The following TNRC6A variants were observed in gnomAD, a reference collection of about 807,000 sequenced individuals.
TNRC6A encodes the protein trinucleotide repeat containing adaptor 6A, also known as trinucleotide repeat-containing gene 6A protein.
TNRC6A carries 44 observed loss-of-function variants against 221.2 expected under a neutral mutation model. That is an observed-to-expected ratio of 0.20 (90% confidence interval 0.16 to 0.26). TNRC6A has a LOEUF of 0.26. Among genes scored for constraint, TNRC6A ranks in the 10% least tolerant of loss-of-function variants. The pLI is 1.00. For synonymous variants in TNRC6A, 847 were observed against 838.5 expected, an observed-to-expected ratio of 1.01 and a Z score of -0.18; for missense variants, 2,199 against 2,404.4, an observed-to-expected ratio of 0.91 and a Z score of 1.79.
rs1373139652 is a variant in TNRC6A, at chr16:24,791,008, C to G, written c.2366C>G (p.Ala789Gly). 3.1e-6 allele frequency: 5 copies of G among 1,592,680 alleles called. No individual in the cohort carries two copies. The South Asian group carries it at 5.8e-5, about 18-fold the overall frequency. The change falls in exon 6 of 25, where the codon GCT becomes GGT. Residue 789 changes from alanine to glycine, a missense_variant. Physicochemically the swap from Ala to Gly is moderately conservative, Grantham distance 60 (BLOSUM62 0). Around this residue, in one of 8 missense-constraint regions of TNRC6A, gnomAD observed 1,405 missense variants for 1,400.2 expected, o/e 1.00. Coordinates refer to ENST00000395799, the MANE Select transcript of TNRC6A (RefSeq NM_014494.4). ...SVSGWGDPKPALRWGDSKGSN... is the reference protein window; with the variant it reads ...SVSGWGDPKPGLRWGDSKGSN... ...TCAGGGTGGGGCGATCCCAAACCTG[C>G]TCTGAGGTGGGGAGATTCCAAAGGC...
chr16:24,616,345 G>A (rs200039821), intron 1 of TNRC6A, among the ~76,000 whole-genome samples: 7 of 94,176 alleles, frequency 7.4e-5, no homozygotes, highest in South Asian at 8.5e-4. Flanking sequence ...AAAAAAAAAA[G>A]AAGAAGAAGA....
intron 2 of TNRC6A, among the ~76,000 whole-genome samples, chr16:24,715,884 G>C (rs549547470): frequency 4.0e-5 from 6 of 151,898 alleles, no homozygotes; most frequent in African/African-American, 1.4e-4. Flanking sequence ...GCCTCCCAAA[G>C]TGCCGGGATT....
chr16:24,709,437 C>T (rs572421229), intron 2 of TNRC6A, among the ~76,000 whole-genome samples: 118 of 152,264 alleles, frequency 7.7e-4, no homozygotes, highest in Non-Finnish European at 1.4e-3. Context: ...CCAGCAGTGA[C>T]GCACTCTCCT....
chr16:24,721,846 A>G (rs968934502), intron 2 of TNRC6A, among the ~76,000 whole-genome samples: 1 of 152,242 alleles, frequency 6.6e-6, no homozygotes, highest in African/African-American at 2.4e-5. Context: ...ACACGCAATC[A>G]TATGAATGAC....
At chr16:24,797,604 T>C (rs566412856) in intron 10 of TNRC6A, 34 bp downstream of exon 10, 1 of 1,462,062 alleles carries the variant, frequency 6.8e-7, no homozygotes, top group South Asian at 1.2e-5. Flanking sequence ...CCTTCCTCTT[T>C]TAATGGTGGT....
chr16:24,818,998 TA>T (rs570977428), intron 21 of TNRC6A, among the ~76,000 whole-genome samples: 8,608 of 141,748 alleles, frequency 0.061, 734 homozygotes, highest in African/African-American at 0.2. Flanking sequence ...GGAGGATCTT[TA>T]AAAAAAAAAA....
intron 9 of TNRC6A, 51 bp downstream of exon 9, chr16:24,795,990 T>C (rs1182661598): frequency 6.3e-7 from 1 of 1,599,724 alleles, no homozygotes; most frequent in Non-Finnish European, 8.6e-7. Context: ...TAAAAATCTT[T>C]AGAAAGCAAC....
chr16:24,706,211 C>T (rs535675619), intron 2 of TNRC6A, among the ~76,000 whole-genome samples: 3 of 152,118 alleles, frequency 2.0e-5, no homozygotes, highest in Non-Finnish European at 4.4e-5. Flanking sequence ...TGCACATTCT[C>T]CCTAAATTAA....
intron 2 of TNRC6A, among the ~76,000 whole-genome samples, chr16:24,712,622 C>T (rs188321242): frequency 5.9e-5 from 9 of 152,046 alleles, no homozygotes; most frequent in Non-Finnish European, 1.2e-4. Flanking sequence ...CTTAGATTTC[C>T]GTCTCATATC....
intron 2 of TNRC6A, among the ~76,000 whole-genome samples, chr16:24,695,374 T>C (rs1242155146): frequency 1.3e-5 from 2 of 152,270 alleles, no homozygotes; most frequent in Admixed American, 6.5e-5. Flanking sequence ...GAAGCTCTTA[T>C]GTTTTTACTT....
At chr16:24,791,921 T>C (rs874484) in intron 6 of TNRC6A, 104 bp downstream of exon 6, 223,427 of 1,259,872 alleles carry the variant, frequency 0.18, 20,956 homozygotes, top group Non-Finnish European at 0.19. Flanking sequence ...GTTCTTACTG[T>C]AATCCAGAAG....
At chr16:24,819,731 G>T in intron 21 of TNRC6A, 1 of 197,788 alleles carries the variant, frequency 5.1e-6, no homozygotes, top group Non-Finnish European at 1.0e-5. Context: ...CTGAGTTGGG[G>T]CTCTTTTGCA....
intron 2 of TNRC6A, among the ~76,000 whole-genome samples, chr16:24,706,202 GCA>G (rs1197849739): frequency 1.3e-5 from 2 of 152,138 alleles, no homozygotes; most frequent in African/African-American, 4.8e-5. Flanking sequence ...ATGTAAAGAT[GCA>G]CATTCTCCCT....
At chr16:24,778,550 A>G (rs2057774412) in intron 5 of TNRC6A, 1 of 949,376 alleles carries the variant, frequency 1.1e-6, no homozygotes, top group Admixed American at 6.2e-5. Context: ...TTACTTGCTA[A>G]TTTCCCAGCA....
chr16:24,755,819 G>A (rs1005339143), intron 3 of TNRC6A, among the ~76,000 whole-genome samples: 2 of 152,090 alleles, frequency 1.3e-5, no homozygotes, highest in Non-Finnish European at 2.9e-5. Flanking sequence ...AAAGAATAAT[G>A]TATTAAAAAT....
chr16:24,613,778 C>T (rs919841501), intron 1 of TNRC6A, among the ~76,000 whole-genome samples: 1 of 152,030 alleles, frequency 6.6e-6, no homozygotes, highest in African/African-American at 2.4e-5. Context: ...TCAGGTGATC[C>T]GCCTGCCTTG....
chr16:24,661,783 G>A (rs1424084725), intron 2 of TNRC6A: 1 of 152,048 alleles, frequency 6.6e-6, no homozygotes, highest in Admixed American at 6.6e-5. Flanking sequence ...TCTTATTGAG[G>A]GTGCAATTAA....
At chr16:24,796,078 G>A in intron 9 of TNRC6A, 139 bp downstream of exon 9, 1 of 905,924 alleles carries the variant, frequency 1.1e-6, no homozygotes, top group East Asian at 2.5e-5. Flanking sequence ...TAAGATATGA[G>A]TTTCACCTTT....
At chr16:24,682,544 G>C in intron 2 of TNRC6A, among the ~76,000 whole-genome samples, 1 of 152,050 alleles carries the variant, frequency 6.6e-6, no homozygotes, top group South Asian at 2.1e-4. Context: ...AGATTGAATA[G>C]AGGAACTCTA....
Sources: gnomAD v4.1 joint callset for allele counts (sites outside exome capture counted in the v4.1 genomes callset) on GRCh38, gnomAD v4.1.1 for gene constraint, gnomAD v4.1.1 regional missense constraint, MANE v1.5 for transcripts, NCBI Gene and HGNC (gene_info 2026-07-23, HGNC 2026-07-21) for gene names.